PECR: variants seen among roughly 807,000 people sequenced by gnomAD.
PECR encodes peroxisomal trans-2-enoyl-CoA reductase.
PECR carries 30 observed loss-of-function variants against 35.3 expected under a neutral mutation model. That is an observed-to-expected ratio of 0.85 (90% CI 0.64 to 1.15). The LOEUF (loss-of-function observed/expected upper bound fraction) is 1.15, where lower values mean the gene tolerates loss of function less well. Ranked by LOEUF, PECR falls within the 50% of genes most tolerant of loss-of-function variation. The pLI is 0.00. For missense variants in PECR, 392 were observed against 370.8 expected (o/e 1.06, Z -0.47); for synonymous variants, 148 against 138.9 (o/e 1.07, Z -0.46).
At chr2:216,042,192 A>T (rs1694899448) in intron 7 of PECR, among the ~76,000 whole-genome samples, 1 of 152,206 alleles carries the variant, frequency 6.6e-6, no homozygotes, top group African/African-American at 2.4e-5. Context: ...GAACTGAATG[A>T]GAGGACGCCC....
intron 1 of PECR, among the ~76,000 whole-genome samples, chr2:216,076,573 G>A (rs1231415852): frequency 6.6e-6 from 1 of 152,190 alleles, no homozygotes; most frequent in Non-Finnish European, 1.5e-5. Flanking sequence ...GCCGAGGCCG[G>A]CAGATAACTT....
intron 4 of PECR, among the ~76,000 whole-genome samples, chr2:216,056,086 A>G (rs1470427332): frequency 2.0e-5 from 3 of 151,992 alleles, no homozygotes; most frequent in African/African-American, 7.3e-5. Flanking sequence ...CTAGCTGATT[A>G]TTTTCATGCT....
chr2:216,030,835 T>C (rs1694670303), intron 7 of PECR, among the ~76,000 whole-genome samples: 1 of 151,486 alleles, frequency 6.6e-6, no homozygotes, highest in African/African-American at 2.4e-5. Context: ...AGTGCTAGGA[T>C]TACAGATGTT....
At chr2:216,043,067 G>GTA (rs1559207866) in intron 7 of PECR, among the ~76,000 whole-genome samples, 1 of 45,554 alleles carries the variant, frequency 2.2e-5, no homozygotes, top group Non-Finnish European at 4.0e-5. Context: ...ACGTATATAT[G>GTA]TATGTATATA....
At chr2:216,051,732 C>T (rs1158779446) in intron 4 of PECR, among the ~76,000 whole-genome samples, 187 bp from the exon 5 acceptor site, 1 of 152,144 alleles carries the variant, frequency 6.6e-6, no homozygotes, top group African/African-American at 2.4e-5. Flanking sequence ...TAAATCCAAG[C>T]CACAGCTGAT....
chr2:216,055,454 A>C (rs998736975), intron 4 of PECR, among the ~76,000 whole-genome samples: 4 of 152,020 alleles, frequency 2.6e-5, no homozygotes, highest in East Asian at 1.9e-4. Flanking sequence ...AAAAAACAAA[A>C]AAACAAAAAA....
chr2:216,033,175 C>A (rs1181304846), intron 7 of PECR, among the ~76,000 whole-genome samples: 1 of 152,054 alleles, frequency 6.6e-6, no homozygotes, highest in Non-Finnish European at 1.5e-5. Context: ...TATCTGCCAC[C>A]CAGCTTAGAC....
At chr2:216,056,422 A>G (rs1265399910) in intron 4 of PECR, among the ~76,000 whole-genome samples, 1 of 152,098 alleles carries the variant, frequency 6.6e-6, no homozygotes, top group Non-Finnish European at 1.5e-5. Flanking sequence ...GTAGACCACA[A>G]TAAAATTGAA....
chr2:216,069,934 CAAAAAAAAA>C (rs35689726), intron 1 of PECR, among the ~76,000 whole-genome samples: 1 of 101,306 alleles, frequency 9.9e-6, no homozygotes, highest in Non-Finnish European at 2.3e-5. Flanking sequence ...AAGACTCTGT[CAAAAAAAAA>C]AAAAAAAAAG....
intron 4 of PECR, among the ~76,000 whole-genome samples, chr2:216,058,137 G>A (rs1449148085): frequency 1.3e-5 from 2 of 152,268 alleles, no homozygotes; most frequent in East Asian, 3.9e-4. Flanking sequence ...GGGCTTGCAC[G>A]ACGGCTGCGC....
intron 1 of PECR, among the ~76,000 whole-genome samples, chr2:216,069,100 A>G (rs1218157762): frequency 6.6e-6 from 1 of 152,182 alleles, no homozygotes; most frequent in Non-Finnish European, 1.5e-5. Context: ...AGCTTAGCTT[A>G]AAGACACCAG....
At chr2:216,049,885 T>A (rs1695070341) in intron 5 of PECR, among the ~76,000 whole-genome samples, 1 of 152,212 alleles carries the variant, frequency 6.6e-6, no homozygotes. Flanking sequence ...TTTAAATGTA[T>A]CTTTCACTGG....
At chr2:216,046,310 A>ATATATAT (rs1553560626) in intron 6 of PECR, among the ~76,000 whole-genome samples, 8 of 96,960 alleles carry the variant, frequency 8.3e-5, no homozygotes, top group Non-Finnish European at 1.2e-4. Flanking sequence ...ATATATATAT[A>ATATATAT]TTTTTTTTTT....
At chr2:216,059,338 G>A (rs2105957027) in intron 3 of PECR, among the ~76,000 whole-genome samples, 1 of 152,286 alleles carries the variant, frequency 6.6e-6, no homozygotes. Flanking sequence ...AATGTAAAGT[G>A]AATCACACAA....
At chr2:216,034,665 A>G (rs1464311378), downstream of PECR, among the ~76,000 whole-genome samples, 1 of 152,130 alleles carries the variant, frequency 6.6e-6, no homozygotes, top group East Asian at 1.9e-4. Context: ...CTACAATGGA[A>G]TGAAAAGTGG....
downstream of PECR, among the ~76,000 whole-genome samples, chr2:216,037,364 C>T (rs558331277): frequency 7.9e-5 from 12 of 152,312 alleles, no homozygotes; most frequent in Admixed American, 3.9e-4. Context: ...TAACTGGCAA[C>T]GCTATGGAGA....
rs575967937 is a variant in PECR at position 216,049,486 on chromosome 2, A to C, written c.604-113T>G. The C allele has an allele frequency of 9.4e-5, 57 of 609,122 alleles. 1 individual carries two copies. In the South Asian group the frequency reaches 1.2e-3, roughly 13 times the overall value. The allele number at this position is 609,122 out of a possible 1,614,324, so 37.7% of individuals were successfully genotyped here. On this transcript the variant is annotated intron_variant, in intron 5 of 7. Coordinates refer to ENST00000265322, the MANE Select transcript of PECR (RefSeq NM_018441.6). ...CAAACATTAAGTAGCTTAAGTCAAA[A>C]AAAAGTTAACAGTGCTGATATTAAA...
At chr2:216,064,375 G>GC (rs1161640961) in intron 3 of PECR, among the ~76,000 whole-genome samples, 3 of 152,168 alleles carry the variant, frequency 2.0e-5, no homozygotes, top group Non-Finnish European at 2.9e-5. Context: ...TCCAGATGGT[G>GC]CCCATAAAAG....
At chr2:216,052,713 T>C (rs1695140550) in intron 4 of PECR, among the ~76,000 whole-genome samples, 1 of 152,242 alleles carries the variant, frequency 6.6e-6, no homozygotes, top group Non-Finnish European at 1.5e-5. Flanking sequence ...TGGGGTTTGT[T>C]GAGCTTCTTC....
Sources: allele counts gnomAD v4.1 joint callset (sites outside exome capture counted in the v4.1 genomes callset), GRCh38; gene constraint gnomAD v4.1.1; transcripts MANE v1.5; gene names NCBI Gene and HGNC (gene_info 2026-07-23, HGNC 2026-07-21).